Variants in FAT3 observed in about 807,000 individuals in gnomAD.
The protein encoded by FAT3 is protocadherin Fat 3.
Under a neutral mutation model 310.2 loss-of-function variants are expected in FAT3, and 95 were observed. The ratio of observed to expected loss-of-function variants is 0.31; its 90% confidence interval spans 0.26 to 0.36. The LOEUF (loss-of-function observed/expected upper bound fraction) is 0.36, where lower values mean the gene tolerates loss of function less well. Among genes scored for constraint, FAT3 ranks in the 10% least tolerant of loss-of-function variants. The pLI is 1.00. For synonymous variants in FAT3, 2,314 were observed against 2,192.9 expected (o/e 1.06, Z -1.54); for missense variants, 5,408 against 5,715.6 (o/e 0.95, Z 1.74).
chr11:92,854,365 G>A lies in FAT3; in HGVS notation c.11366-2849G>A, dbSNP rs527621053. ...GGTCCAGAGCTGTGGCTGGGCAGCTGTGGCTGTGCCCAGGAGTGCAGGGTT... is the reference window on the plus strand; with the variant it reads ...GGTCCAGAGCTGTGGCTGGGCAGCTATGGCTGTGCCCAGGAGTGCAGGGTT... On this transcript the variant is annotated intron_variant, in intron 19 of 27. Transcript: ENST00000525166. 1.7e-3 allele frequency among the ~76,000 whole-genome samples: 259 copies of A among 152,286 alleles called. 3 individuals are homozygous for A. Among genetic ancestry groups the A allele is most frequent in the African/African-American group, 5.8e-3 (241 of 41,558 alleles).
At chr11:92,280,980 G>A (rs1468542492) in intron 1 of FAT3, among the ~76,000 whole-genome samples, 1 of 152,050 alleles carries the variant, frequency 6.6e-6, no homozygotes, top group African/African-American at 2.4e-5. Flanking sequence ...ATCTGTTTTA[G>A]TGAAATATAT....
rs556104448 is a variant in FAT3 at position 92,890,361 on chromosome 11, C to T, written c.13148-130C>T. 4 of 1,128,770 alleles carry T rather than the reference C, an allele frequency of 3.5e-6. No homozygotes were observed. In the South Asian group the frequency reaches 5.0e-5, roughly 14 times the overall value. 69.9% of individuals were successfully genotyped at this position (1,128,770 alleles called of 1,614,324 possible). A position where few individuals can be genotyped will look rare whatever the true frequency, so the allele number is the denominator to read the frequency against. ...CCAAAGCATGGCTGGCCCCATAGAC[C>T]CTTGTAATAAGCTTCTTAGGGTTTC... On this transcript the variant is annotated intron_variant, in intron 27 of 27. Coordinates refer to ENST00000525166, the MANE Select transcript of FAT3 (RefSeq NM_001367949.2).
intron 3 of FAT3, among the ~76,000 whole-genome samples, chr11:92,601,221 A>C (rs911967388): frequency 1.3e-5 from 2 of 151,864 alleles, no homozygotes; most frequent in African/African-American, 4.8e-5. Flanking sequence ...TGGAGATGAG[A>C]GTAAAAACAG....
At position 92,341,911 on chromosome 11, in the gene FAT3, A is replaced by G. The variant is rs1948273928; in HGVS notation, c.-17-10185A>G. ...TCCCAACCTTCATGAAGCCAGATAT[A>G]GCTAATATTATCCCATTTTAGAGAG... On this transcript the variant is annotated intron_variant, in intron 1 of 27. Coordinates refer to ENST00000525166, the MANE Select transcript of FAT3 (RefSeq NM_001367949.2). Among the ~76,000 whole-genome samples the G allele has an allele frequency of 2.0e-5, 3 of 152,182 alleles. No homozygotes were observed. In the South Asian group the frequency reaches 6.2e-4, roughly 32 times the overall value.
intron 1 of FAT3, among the ~76,000 whole-genome samples, chr11:92,310,301 A>G (rs2134453163): frequency 6.6e-6 from 1 of 152,306 alleles, no homozygotes; most frequent in East Asian, 1.9e-4. Flanking sequence ...TATTTAAATG[A>G]AGTACAATAG....
At chr11:92,858,325 T>C (rs1390951059) in intron 20 of FAT3, among the ~76,000 whole-genome samples, 1 of 152,230 alleles carries the variant, frequency 6.6e-6, no homozygotes, top group Non-Finnish European at 1.5e-5. Context: ...TTTCTACATA[T>C]GCACTGTGCA....
intron 1 of FAT3, among the ~76,000 whole-genome samples, chr11:92,262,085 C>T (rs566284823): frequency 5.7e-4 from 86 of 151,936 alleles, no homozygotes; most frequent in African/African-American, 1.9e-3. Context: ...AAGAGGCTAC[C>T]ATATTAGATT....
At chr11:92,833,890 C>A (rs367837066) in intron 14 of FAT3, among the ~76,000 whole-genome samples, 1 of 152,166 alleles carries the variant, frequency 6.6e-6, no homozygotes, top group East Asian at 1.9e-4. Context: ...GTGGTAAGTT[C>A]CAGAAAACTT....
At position 92,893,499 on chromosome 11, in the gene FAT3, G is replaced by C. The variant is rs986622255; in HGVS notation, c.*2386G>C. 3 of 152,148 alleles carry C rather than the reference G, an allele frequency of 2.0e-5. No individual in the cohort carries two copies. Among genetic ancestry groups the C allele is most frequent in the Non-Finnish European group, 2.9e-5 (2 of 68,020 alleles). 9.4% of individuals were successfully genotyped at this position (152,148 alleles called of 1,614,324 possible). ...CATTTCCTGCCCCCAGGAAATATTA[G>C]AATGAGATTAATGCTGATGAGTCCC... is the stretch of plus-strand genomic sequence containing the variant. On this transcript the variant is annotated 3_prime_UTR_variant, in exon 28 of 28. Transcript: ENST00000525166.
chr11:92,406,492 G>C (rs1413303094), intron 2 of FAT3: 4 of 152,126 alleles, frequency 2.6e-5, no homozygotes, highest in Admixed American at 1.3e-4. Flanking sequence ...ATAAGTAAGT[G>C]TTCCTTTCTT....
intron 23 of FAT3, among the ~76,000 whole-genome samples, chr11:92,882,146 G>A (rs778074569): frequency 6.4e-4 from 97 of 152,188 alleles, no homozygotes; most frequent in Non-Finnish European, 1.2e-3. Flanking sequence ...AACTAATTTG[G>A]TGGCAAAACC....
At chr11:92,242,509 A>G (rs1309497609) in intron 1 of FAT3, among the ~76,000 whole-genome samples, 1 of 151,922 alleles carries the variant, frequency 6.6e-6, no homozygotes, top group East Asian at 1.9e-4. Context: ...ACTGACTCAT[A>G]AATGTTCTCA....
In FAT3 at chr11:92,569,245, T is replaced by C. The variant is rs1955584624; in HGVS notation, c.3607+44297T>C. On this transcript the variant is annotated intron_variant, in intron 3 of 27. Coordinates refer to ENST00000525166, the MANE Select transcript of FAT3 (RefSeq NM_001367949.2). ...ACCTCTTTGTGCCTTCATTTCCTTC[T>C]CAGTAAAATGAAGATAACAAGCGTA... 2.0e-5 allele frequency among the ~76,000 whole-genome samples: 3 copies of C among 152,148 alleles called. No individual in the cohort carries two copies. In the East Asian group the frequency reaches 5.8e-4, roughly 29 times the overall value.
chr11:92,657,295 G>A (rs139783332), intron 3 of FAT3, among the ~76,000 whole-genome samples: 1 of 152,048 alleles, frequency 6.6e-6, no homozygotes, highest in African/African-American at 2.4e-5. Context: ...AAACTAAAGT[G>A]AGTAAATTTT....
intron 2 of FAT3, among the ~76,000 whole-genome samples, chr11:92,417,914 T>C (rs1950451064): frequency 6.6e-6 from 1 of 152,130 alleles, no homozygotes; most frequent in East Asian, 1.9e-4. Flanking sequence ...GAGAGGACAA[T>C]AGCAGTAGAT....
chr11:92,618,387 T>G (rs188826668), intron 3 of FAT3, among the ~76,000 whole-genome samples: 2 of 152,308 alleles, frequency 1.3e-5, no homozygotes, highest in East Asian at 3.9e-4. Flanking sequence ...GTCATGGCTT[T>G]CCTTGGCTAG....
chr11:92,407,290 C>T (rs1222977340), intron 2 of FAT3, among the ~76,000 whole-genome samples: 1 of 152,000 alleles, frequency 6.6e-6, no homozygotes, highest in African/African-American at 2.4e-5. Flanking sequence ...ATGGAGGCTC[C>T]GGTATGCTAA....
intron 2 of FAT3, among the ~76,000 whole-genome samples, chr11:92,442,027 A>G (rs1465676190): frequency 6.7e-6 from 1 of 149,068 alleles, no homozygotes; most frequent in African/African-American, 2.5e-5. Context: ...CTCCTATTGA[A>G]GCCCTAAAAT....
intron 3 of FAT3, among the ~76,000 whole-genome samples, chr11:92,601,806 A>G (rs1940041182): frequency 6.6e-6 from 1 of 152,132 alleles, no homozygotes; most frequent in Non-Finnish European, 1.5e-5. Flanking sequence ...GTTGAAATAA[A>G]CATCATTCGT....
Sources: gnomAD v4.1 joint callset for allele counts (sites outside exome capture counted in the v4.1 genomes callset) on GRCh38, gnomAD v4.1.1 for gene constraint, MANE v1.5 for transcripts, NCBI Gene and HGNC (gene_info 2026-07-23, HGNC 2026-07-21) for gene names.